The following MAST2 variants were observed in gnomAD, a reference collection of about 807,000 sequenced individuals.
MAST2 encodes microtubule associated serine/threonine kinase 2, also known as microtubule-associated serine/threonine-protein kinase 2.
A neutral mutation model predicts 147.4 loss-of-function variants in MAST2; 70 were observed. That is an observed-to-expected ratio of 0.47 (90% CI 0.39 to 0.58). The LOEUF (loss-of-function observed/expected upper bound fraction) is 0.58, where lower values mean the gene tolerates loss of function less well. Among genes scored for constraint, MAST2 ranks in the 20% least tolerant of loss-of-function variants. MAST2 has a pLI of 0.00. For missense variants in MAST2, 2,080 were observed against 2,302.3 expected, an observed-to-expected ratio of 0.90 and a Z score of 1.98; for synonymous variants, 869 against 896.8, an observed-to-expected ratio of 0.97 and a Z score of 0.55.
chr1:45,810,397 A>C (rs1193941896), intron 1 of MAST2, among the ~76,000 whole-genome samples: 1 of 152,198 alleles, frequency 6.6e-6, no homozygotes, highest in Admixed American at 6.5e-5. Context: ...GAAGCTGCGT[A>C]ATATATATAG....
At chr1:45,995,062 G>C (rs112320436) in intron 5 of MAST2, among the ~76,000 whole-genome samples, 3 of 151,908 alleles carry the variant, frequency 2.0e-5, no homozygotes, top group African/African-American at 7.3e-5. Context: ...GGATGGTCTC[G>C]ATCTCCTGGC....
chr1:45,973,212 G>A (rs928749165), intron 5 of MAST2, among the ~76,000 whole-genome samples: 3 of 151,142 alleles, frequency 2.0e-5, no homozygotes, highest in African/African-American at 7.3e-5. Flanking sequence ...TACACCCGTA[G>A]TTGATAACTC....
chr1:45,972,112 A>G (rs908888530), intron 5 of MAST2, among the ~76,000 whole-genome samples: 1 of 152,202 alleles, frequency 6.6e-6, no homozygotes, highest in African/African-American at 2.4e-5. Flanking sequence ...TAAGATCGTA[A>G]TAATGCCAGC....
At chr1:46,002,986 C>T (rs748194590) in intron 7 of MAST2, 103 bp downstream of exon 7, 2 of 1,188,250 alleles carry the variant, frequency 1.7e-6, no homozygotes, top group Non-Finnish European at 2.5e-6. Flanking sequence ...TCTCCAAAGT[C>T]AAACTCAGAG....
intron 15 of MAST2, among the ~76,000 whole-genome samples, chr1:46,025,351 T>G (rs1646362719): frequency 6.6e-6 from 1 of 151,992 alleles, no homozygotes; most frequent in Non-Finnish European, 1.5e-5. Context: ...AACCATCAGA[T>G]CTCATGAGAC....
At chr1:45,869,051 A>G (rs1036831037) in intron 3 of MAST2, among the ~76,000 whole-genome samples, 1 of 152,024 alleles carries the variant, frequency 6.6e-6, no homozygotes, top group Non-Finnish European at 1.5e-5. Context: ...ATGTATTCCT[A>G]TTCTATGTTG....
intron 3 of MAST2, among the ~76,000 whole-genome samples, chr1:45,833,799 T>C (rs1448223357): frequency 1.3e-5 from 2 of 152,100 alleles, no homozygotes; most frequent in African/African-American, 2.4e-5. Flanking sequence ...GTTTGTAAAA[T>C]AATTGTTTCT....
In MAST2 at chr1:46,009,096, C is replaced by A. The variant is rs867302684; in HGVS notation, c.978+725C>A. Among the ~76,000 whole-genome samples the A allele has an allele frequency of 3.3e-5, 5 of 152,236 alleles. No individual in the cohort carries two copies. The Middle Eastern group carries it at 0.01, about 311-fold the overall frequency. On this transcript the variant is annotated intron_variant, in intron 9 of 28. Coordinates refer to ENST00000361297, the MANE Select transcript of MAST2 (RefSeq NM_015112.3). ...AAGAGATGGAGTCTTGCTCTGTCACCCAGGCTGGAGTGCAATGGCACCATC... is the reference window on the plus strand; with the variant it reads ...AAGAGATGGAGTCTTGCTCTGTCACACAGGCTGGAGTGCAATGGCACCATC...
intron 3 of MAST2, among the ~76,000 whole-genome samples, chr1:45,861,276 A>G (rs1645972013): frequency 6.6e-6 from 1 of 152,212 alleles, no homozygotes; most frequent in African/African-American, 2.4e-5. Flanking sequence ...ACTGTAGTCT[A>G]CTGAAGAAAG....
intron 4 of MAST2, among the ~76,000 whole-genome samples, chr1:45,928,618 A>G (rs928869087): frequency 4.4e-5 from 6 of 137,172 alleles, no homozygotes; most frequent in African/African-American, 1.4e-4. Flanking sequence ...GTCTCTCTCT[A>G]TTGCCCAGGC....
intron 4 of MAST2, among the ~76,000 whole-genome samples, chr1:45,954,589 G>A (rs1187425422): frequency 1.3e-5 from 2 of 152,104 alleles, no homozygotes; most frequent in African/African-American, 4.8e-5. Context: ...CAGATATCCA[G>A]TACTTCATCT....
intron 4 of MAST2, among the ~76,000 whole-genome samples, chr1:45,911,449 A>T (rs1053904909): frequency 6.6e-6 from 1 of 152,202 alleles, no homozygotes; most frequent in African/African-American, 2.4e-5. Context: ...TCTTCAATAT[A>T]TGCAGAGCAG....
intron 5 of MAST2, among the ~76,000 whole-genome samples, chr1:45,988,878 C>A (rs72677505): frequency 0.021 from 3,182 of 152,144 alleles, 62 homozygotes; most frequent in Non-Finnish European, 0.029. Flanking sequence ...TTACTATCTG[C>A]GATTATAAGA....
At chr1:45,963,984 T>C (rs1033619906) in intron 5 of MAST2, among the ~76,000 whole-genome samples, 3 of 152,240 alleles carry the variant, frequency 2.0e-5, no homozygotes, top group Non-Finnish European at 4.4e-5. Flanking sequence ...CATGTGGTTT[T>C]TGTCTTTGGT....
rs1646302679 is a variant in MAST2, at chr1:46,024,098, C to T, written c.1780+118C>T. The T allele has an allele frequency of 3.1e-6, 3 of 970,996 alleles. No homozygotes were observed. In the East Asian group the frequency reaches 7.7e-5, roughly 25 times the overall value. 60.1% of individuals were successfully genotyped at this position (970,996 alleles called of 1,614,324 possible). ...TTTCAGGGCCCAGCTTTCCAGTCCA[C>T]CTTTGGCATTGGTTTCTGCCTCAGG... On this transcript the variant is annotated intron_variant, in intron 15 of 28. Coordinates refer to ENST00000361297, the MANE Select transcript of MAST2 (RefSeq NM_015112.3).
At chr1:45,836,564 C>T (rs1645107107) in intron 3 of MAST2, among the ~76,000 whole-genome samples, 1 of 152,124 alleles carries the variant, frequency 6.6e-6, no homozygotes, top group African/African-American at 2.4e-5. Flanking sequence ...GTTTTACCTA[C>T]TTCAGTATTA....
In MAST2 at chr1:46,034,279, C is replaced by T. The variant is rs1344120127; in HGVS notation, c.3868+13C>T. 1 of 1,603,540 alleles carries T rather than the reference C, an allele frequency of 6.2e-7. No individual in the cohort carries two copies. The highest frequency in any genetic ancestry group is 8.5e-7 in the Non-Finnish European group (1 of 1,174,274). Reference sequence around the variant, plus strand: ...GCTGTGCATTCAGGTACGAAGGGCTCCCTGCAGATCAGTGACAACCCCTGG... The same window carrying T: ...GCTGTGCATTCAGGTACGAAGGGCTTCCTGCAGATCAGTGACAACCCCTGG... On this transcript the variant is annotated intron_variant, in intron 28 of 28. Coordinates refer to ENST00000361297, the MANE Select transcript of MAST2 (RefSeq NM_015112.3).
chr1:45,917,263 C>T lies in MAST2; in HGVS notation c.500+34868C>T, dbSNP rs892155911. 3.8e-6 allele frequency: 4 copies of T among 1,046,826 alleles called. No individual in the cohort carries two copies. The East Asian group carries it at 2.2e-4, about 57-fold the overall frequency. The allele number at this position is 1,046,826 out of a possible 1,614,324, so 64.8% of individuals were successfully genotyped here. On this transcript the variant is annotated intron_variant, in intron 4 of 28. Transcript: ENST00000361297. Reference sequence around the variant, plus strand: ...TCTTGAGCTTTTTGCCTAAACCAAGCCACTTTGAATATGTTTCTTTTTGGT... The same window carrying T: ...TCTTGAGCTTTTTGCCTAAACCAAGTCACTTTGAATATGTTTCTTTTTGGT...
At chr1:45,914,152 C>T (rs1339241470) in intron 4 of MAST2, among the ~76,000 whole-genome samples, 4 of 152,064 alleles carry the variant, frequency 2.6e-5, no homozygotes, top group Non-Finnish European at 5.9e-5. Flanking sequence ...ATTTTCTTCC[C>T]TTGAAAGCAA....
Sources: gnomAD v4.1 joint callset for allele counts (sites outside exome capture counted in the v4.1 genomes callset) on GRCh38, gnomAD v4.1.1 for gene constraint, MANE v1.5 for transcripts, NCBI Gene and HGNC (gene_info 2026-07-23, HGNC 2026-07-21) for gene names.